The following KCNMA1 variants were observed in gnomAD, a reference collection of about 807,000 sequenced individuals.
KCNMA1 encodes potassium calcium-activated channel subfamily M alpha 1, also known as Calcium-activated potassium channel subunit alpha-1.
In KCNMA1, 29 loss-of-function variants were observed where a neutral mutation model predicts 140.0. That is an observed-to-expected ratio of 0.21 (90% confidence interval 0.15 to 0.28). The LOEUF (loss-of-function observed/expected upper bound fraction) is 0.28. Ranked by LOEUF, KCNMA1 falls within the 10% of genes least tolerant of loss-of-function variation. The probability of loss-of-function intolerance (pLI) is 1.00; values close to 1 mark genes in which losing one functional copy is unlikely to be tolerated. For synonymous variants in KCNMA1, 612 were observed against 611.9 expected, an observed-to-expected ratio of 1.00 and a Z score of 0.00; for missense variants, 880 against 1,602.2, an observed-to-expected ratio of 0.55 and a Z score of 7.70.
intron 1 of KCNMA1, among the ~76,000 whole-genome samples, chr10:77,554,597 C>CAAAA (rs59754706): frequency 2.9e-3 from 237 of 82,966 alleles, no homozygotes; most frequent in Non-Finnish European, 3.9e-3. Flanking sequence ...TACTCCATCT[C>CAAAA]AAAAAAAAAA....
At chr10:77,316,544 A>C (rs796994738) in intron 2 of KCNMA1, among the ~76,000 whole-genome samples, 6 of 152,298 alleles carry the variant, frequency 3.9e-5, no homozygotes, top group African/African-American at 1.4e-4. Context: ...TTTCTGATTC[A>C]GGAATCTGCA....
chr10:77,510,448 T>C (rs549736830), intron 1 of KCNMA1, among the ~76,000 whole-genome samples: 9 of 152,292 alleles, frequency 5.9e-5, no homozygotes, highest in Admixed American at 3.3e-4. Context: ...GAAGCCTCTA[T>C]GGAGTGCAGG....
chr10:77,419,546 C>T (rs1439451146), intron 1 of KCNMA1, among the ~76,000 whole-genome samples: 1 of 152,114 alleles, frequency 6.6e-6, no homozygotes, highest in East Asian at 1.9e-4. Context: ...GAGACGCCAG[C>T]CAAGGAGAAG....
At chr10:77,172,723 C>A (rs1048277731) in intron 5 of KCNMA1, among the ~76,000 whole-genome samples, 22 of 150,866 alleles carry the variant, frequency 1.5e-4, no homozygotes, top group Non-Finnish European at 2.9e-4. Context: ...AAGCTCAAGC[C>A]AAGAGTAGAG....
chr10:77,365,064 T>G (rs932520006), intron 2 of KCNMA1, among the ~76,000 whole-genome samples: 8 of 151,940 alleles, frequency 5.3e-5, no homozygotes, highest in Non-Finnish European at 1.2e-4. Flanking sequence ...TTGATTGAGG[T>G]TTTATGCAGC....
chr10:77,256,826 A>C (rs1018623316), intron 2 of KCNMA1, among the ~76,000 whole-genome samples: 4 of 152,190 alleles, frequency 2.6e-5, no homozygotes, highest in Non-Finnish European at 5.9e-5. Context: ...TATAATTTAC[A>C]TATAATAAAA....
At chr10:77,457,585 T>C (rs560999149) in intron 1 of KCNMA1, among the ~76,000 whole-genome samples, 1 of 152,080 alleles carries the variant, frequency 6.6e-6, no homozygotes, top group African/African-American at 2.4e-5. Flanking sequence ...CTGGGCTGCC[T>C]CTCCATTTTT....
chr10:77,282,311 A>G (rs2068916177), intron 2 of KCNMA1, among the ~76,000 whole-genome samples: 1 of 152,058 alleles, frequency 6.6e-6, no homozygotes, highest in Non-Finnish European at 1.5e-5. Flanking sequence ...ACTTTCCTCC[A>G]TGACTCAGGT....
chr10:77,158,171 C>T (rs2098509984), intron 5 of KCNMA1, among the ~76,000 whole-genome samples: 2 of 152,170 alleles, frequency 1.3e-5, no homozygotes, highest in Non-Finnish European at 1.5e-5. Flanking sequence ...TGAGGCAGGT[C>T]ATCATCCTCA....
chr10:77,310,093 G>T (rs370488927), intron 2 of KCNMA1, among the ~76,000 whole-genome samples: 1 of 152,150 alleles, frequency 6.6e-6, no homozygotes, highest in East Asian at 1.9e-4. Flanking sequence ...AGGCATGGGG[G>T]GACATGAGTG....
chr10:77,220,722 C>G (rs892693566), intron 3 of KCNMA1, among the ~76,000 whole-genome samples: 1 of 152,050 alleles, frequency 6.6e-6, no homozygotes, highest in Admixed American at 6.6e-5. Context: ...GCTCTTGGAT[C>G]TGGTCCTTTT....
intron 1 of KCNMA1, among the ~76,000 whole-genome samples, chr10:77,576,813 C>G (rs1475617839): frequency 1.3e-5 from 2 of 152,190 alleles, no homozygotes; most frequent in African/African-American, 4.8e-5. Flanking sequence ...TACAGGATAT[C>G]AAGCCTCGAG....
chr10:77,052,112 G>T (rs955350286), intron 14 of KCNMA1, among the ~76,000 whole-genome samples: 3 of 152,190 alleles, frequency 2.0e-5, no homozygotes, highest in Admixed American at 1.3e-4. Flanking sequence ...TGGGGCCTGT[G>T]ATTCATGGCT....
chr10:77,244,600 C>A (rs2058131555), intron 3 of KCNMA1, among the ~76,000 whole-genome samples: 1 of 152,186 alleles, frequency 6.6e-6, no homozygotes, highest in Non-Finnish European at 1.5e-5. Context: ...ATCCTGTCCC[C>A]AAAATCTACC....
chr10:77,594,382 T>C (rs572647719), intron 1 of KCNMA1, among the ~76,000 whole-genome samples: 8 of 152,316 alleles, frequency 5.3e-5, no homozygotes, highest in African/African-American at 1.9e-4. Context: ...GCCCACTACA[T>C]GCAGAGGGTG....
At chr10:77,593,527 T>G (rs2079868395) in intron 1 of KCNMA1, among the ~76,000 whole-genome samples, 1 of 152,212 alleles carries the variant, frequency 6.6e-6, no homozygotes, top group Admixed American at 6.5e-5. Flanking sequence ...GAAATGGTAA[T>G]TGTTACTATT....
intron 5 of KCNMA1, among the ~76,000 whole-genome samples, chr10:77,125,315 AC>A (rs780078146): frequency 9.2e-5 from 14 of 152,190 alleles, no homozygotes; most frequent in Non-Finnish European, 1.9e-4. Flanking sequence ...CACCACCAGC[AC>A]TATCTCCTTT....
chr10:77,584,477 C>A (rs910134719), intron 1 of KCNMA1, among the ~76,000 whole-genome samples: 1 of 152,158 alleles, frequency 6.6e-6, no homozygotes, highest in Non-Finnish European at 1.5e-5. Context: ...GCCTCAGCCT[C>A]CAGAGTAGCT....
intron 2 of KCNMA1, among the ~76,000 whole-genome samples, chr10:77,393,303 G>T (rs563536748): frequency 6.6e-6 from 1 of 152,120 alleles, no homozygotes; most frequent in Non-Finnish European, 1.5e-5. Flanking sequence ...CCCCAGAAAA[G>T]GATTTGTTCT....
Sources: allele counts gnomAD v4.1 joint callset (sites outside exome capture counted in the v4.1 genomes callset), GRCh38; gene constraint gnomAD v4.1.1; transcripts MANE v1.5; gene names NCBI Gene and HGNC (gene_info 2026-07-23, HGNC 2026-07-21).